PTPN11: variants seen among roughly 807,000 people sequenced by gnomAD.
The protein encoded by PTPN11 is tyrosine-protein phosphatase non-receptor type 11.
PTPN11 carries 6 observed loss-of-function variants against 78.8 expected under a neutral mutation model. That is an observed-to-expected ratio of 0.08 (90% CI 0.04 to 0.15). The LOEUF is 0.15. PTPN11 is among the 10% of genes least tolerant of loss of function. The pLI, the probability that PTPN11 is intolerant of heterozygous loss-of-function variation, is 1.00. For synonymous variants in PTPN11, 221 were observed against 263.5 expected (o/e 0.84, Z 1.56); for missense variants, 386 against 744.8 (o/e 0.52, Z 5.61).
rs542569691 is a variant in PTPN11 at position 112,482,945 on chromosome 12, C to T, written c.1224+740C>T. On this transcript the variant is annotated intron_variant, in intron 10 of 15. Transcript: ENST00000351677. The surrounding 1 kb of genome is among the most constrained non-coding windows in gnomAD (Gnocchi z 4.4). Reference sequence around the variant, plus strand: ...CTGGGCATCTGAACAGTCATGTGGACATTCATCTATTCATTCAGAGATATT... The same window carrying T: ...CTGGGCATCTGAACAGTCATGTGGATATTCATCTATTCATTCAGAGATATT... Among the ~76,000 whole-genome samples the T allele has an allele frequency of 2.9e-4, 44 of 152,252 alleles. No homozygotes were observed. Among genetic ancestry groups the T allele is most frequent in the Admixed American group, 5.2e-4 (8 of 15,288 alleles).
chr12:112,463,197 AT>A (rs995071200), intron 6 of PTPN11, among the ~76,000 whole-genome samples: 2 of 151,994 alleles, frequency 1.3e-5, no homozygotes, highest in African/African-American at 4.8e-5. Flanking sequence ...TTTAAAATAA[AT>A]TTTTTTAACA....
chr12:112,454,170 C>T (rs543052256), intron 4 of PTPN11, among the ~76,000 whole-genome samples: 1 of 152,106 alleles, frequency 6.6e-6, no homozygotes, highest in East Asian at 1.9e-4. Context: ...CCCTCTGTCT[C>T]CCAGGCTGAA....
intron 1 of PTPN11, among the ~76,000 whole-genome samples, chr12:112,432,876 T>C (rs1320491001): frequency 6.6e-6 from 1 of 151,982 alleles, no homozygotes; most frequent in Non-Finnish European, 1.5e-5. Flanking sequence ...TTTTTTTTTT[T>C]TTGAGATGGA....
chr12:112,478,920 A>G (rs1037340086), intron 9 of PTPN11, among the ~76,000 whole-genome samples: 2 of 151,964 alleles, frequency 1.3e-5, no homozygotes, highest in African/African-American at 4.8e-5. Context: ...TTTAGTAGAG[A>G]TGGGGTTTTG....
chr12:112,449,820 CT>C (rs1169481882), intron 2 of PTPN11, among the ~76,000 whole-genome samples: 1 of 151,980 alleles, frequency 6.6e-6, no homozygotes, highest in African/African-American at 2.4e-5. Context: ...AATCTCAGCA[CT>C]TTGGGAGGCC....
chr12:112,440,969 T>TC (rs200029372), intron 1 of PTPN11, among the ~76,000 whole-genome samples: 5,625 of 149,744 alleles, frequency 0.038, 244 homozygotes, highest in African/African-American at 0.1. Flanking sequence ...TCTTTTCTTT[T>TC]TTTTTTTTTT....
intron 1 of PTPN11, among the ~76,000 whole-genome samples, chr12:112,432,850 A>C (rs1027964978): frequency 6.6e-6 from 1 of 151,636 alleles, no homozygotes. Flanking sequence ...TCCTGTATAG[A>C]CATACCATTT....
At chr12:112,479,620 C>T (rs2038562960) in intron 9 of PTPN11, among the ~76,000 whole-genome samples, 2 of 152,328 alleles carry the variant, frequency 1.3e-5, no homozygotes, top group African/African-American at 4.8e-5. Context: ...TTTGTAGTTT[C>T]TGCTTCAGGC....
At chr12:112,456,281 T>C (rs2038158652) in intron 6 of PTPN11, among the ~76,000 whole-genome samples, 1 of 152,116 alleles carries the variant, frequency 6.6e-6, no homozygotes, top group Non-Finnish European at 1.5e-5. Context: ...GAGTAGTCAA[T>C]GGATGTGCTA....
chr12:112,485,579 C>T (rs1416790062), intron 10 of PTPN11, among the ~76,000 whole-genome samples: 1 of 152,120 alleles, frequency 6.6e-6, no homozygotes, highest in African/African-American at 2.4e-5. Context: ...TAGAGATACC[C>T]AAGGGCCACG....
chr12:112,445,142 AT>A (rs1235798406), intron 1 of PTPN11, among the ~76,000 whole-genome samples: 2 of 151,718 alleles, frequency 1.3e-5, no homozygotes, highest in African/African-American at 4.8e-5. Context: ...TATTATTATT[AT>A]TTTTTTGAGA....
rs117162013 is a variant in PTPN11, at chr12:112,433,682, G to T, written c.15-12594G>T. On this transcript the variant is annotated intron_variant, in intron 1 of 15. Transcript: ENST00000351677. ...TAAAAGGGTACTGGCTGGGCGCAGT[G>T]GCTCATGCCTATAATCTCAACACTT... Among the ~76,000 whole-genome samples the T allele has an allele frequency of 6.0e-3, 907 of 152,340 alleles. 5 individuals carry two copies. Among genetic ancestry groups the T allele is most frequent in the Admixed American group, 0.01 (159 of 15,300 alleles).
At chr12:112,460,959 A>G (rs890983603) in intron 6 of PTPN11, among the ~76,000 whole-genome samples, 1 of 151,922 alleles carries the variant, frequency 6.6e-6, no homozygotes, top group African/African-American at 2.4e-5. Context: ...AAGAAAGCAG[A>G]TCATTTGTCC....
At chr12:112,494,551 T>C (rs2038790682) in intron 13 of PTPN11, among the ~76,000 whole-genome samples, 1 of 152,338 alleles carries the variant, frequency 6.6e-6, no homozygotes, top group Non-Finnish European at 1.5e-5. Flanking sequence ...TTGATCTCTT[T>C]CCATTTTCAA....
intron 1 of PTPN11, among the ~76,000 whole-genome samples, chr12:112,434,742 A>C (rs939229821): frequency 2.6e-5 from 4 of 152,184 alleles, no homozygotes; most frequent in Admixed American, 6.5e-5. Context: ...GTATATGCAC[A>C]TGAACATACG....
intron 6 of PTPN11, 59 bp from the exon 7 acceptor site, chr12:112,472,885 T>G (rs1313038460): frequency 7.5e-7 from 1 of 1,328,468 alleles, no homozygotes; most frequent in Non-Finnish European, 1.1e-6. Context: ...TGATCCAGGC[T>G]TTTTTCTTTT....
At chr12:112,494,118 G>A (rs2038786770) in intron 13 of PTPN11, among the ~76,000 whole-genome samples, 1 of 152,172 alleles carries the variant, frequency 6.6e-6, no homozygotes, top group Non-Finnish European at 1.5e-5. Context: ...GCTGGATGTG[G>A]TGGCGCACAC....
intron 4 of PTPN11, among the ~76,000 whole-genome samples, chr12:112,453,763 C>T (rs2038113503): frequency 6.6e-6 from 1 of 151,594 alleles, no homozygotes; most frequent in Non-Finnish European, 1.5e-5. Flanking sequence ...GTTGATCTTC[C>T]CTCAGCCTCT....
intron 1 of PTPN11, among the ~76,000 whole-genome samples, chr12:112,440,264 T>C (rs2037864190): frequency 6.6e-6 from 1 of 152,202 alleles, no homozygotes; most frequent in South Asian, 2.1e-4. Context: ...GGTGAAATTC[T>C]ATTCTGTCTC....
Sources: gnomAD v4.1 joint callset for allele counts (sites outside exome capture counted in the v4.1 genomes callset) on GRCh38, gnomAD v4.1.1 for gene constraint, Gnocchi (gnomAD v3.1) non-coding constraint, MANE v1.5 for transcripts, NCBI Gene and HGNC (gene_info 2026-07-23, HGNC 2026-07-21) for gene names.